MRE11: variants seen among roughly 807,000 people sequenced by gnomAD.
The protein encoded by MRE11 is MRE11 double strand break repair nuclease.
In MRE11, 62 loss-of-function variants were observed where a neutral mutation model predicts 91.7. The ratio of observed to expected loss-of-function variants is 0.68; its 90% CI spans 0.55 to 0.84. The LOEUF is 0.84. MRE11 is among the 40% of genes least tolerant of loss of function. MRE11 has a pLI of 0.00. For synonymous variants in MRE11, 273 were observed against 271.4 expected, an observed-to-expected ratio of 1.01 and a Z score of -0.06; for missense variants, 796 against 852.9, an observed-to-expected ratio of 0.93 and a Z score of 0.83.
In MRE11 at chr11:94,418,312, T is replaced by C. The variant is rs772413170; in HGVS notation, c.*1813A>G. The C allele has an allele frequency of 9.9e-5, 23 of 233,052 alleles. No homozygotes were observed. The highest frequency in any genetic ancestry group is 1.4e-4 in the Non-Finnish European group (16 of 118,014). 14.4% of individuals were successfully genotyped at this position (233,052 alleles called of 1,614,324 possible). A position where few individuals can be genotyped will look rare whatever the true frequency, so the allele number is the denominator to read the frequency against. On this transcript the variant is annotated 3_prime_UTR_variant, in exon 20 of 20. Transcript: ENST00000323929. ...GGAGAGATTTATCACCCTCTGTAAC[T>C]GCTATGTCATCACTTTCCTTAGCGG...
At chr11:94,485,868 A>C in intron 4 of MRE11, 56 bp downstream of exon 4, 1 of 1,536,756 alleles carries the variant, frequency 6.5e-7, no homozygotes, top group Non-Finnish European at 9.0e-7. Context: ...TACGTGTCTT[A>C]TACAGCAAAT....
chr11:94,448,212 C>T (rs991453555), intron 14 of MRE11, among the ~76,000 whole-genome samples: 4 of 152,112 alleles, frequency 2.6e-5, no homozygotes, highest in Non-Finnish European at 4.4e-5. Context: ...TTCTATATTA[C>T]ACTTTTTCTA....
chr11:94,498,621 T>G, upstream of MRE11: 1 of 1,155,658 alleles, frequency 8.7e-7, no homozygotes, highest in Non-Finnish European at 1.2e-6. Flanking sequence ...GTCAAACATC[T>G]TACTACAAAA....
chr11:94,487,425 T>C (rs1190561115), intron 3 of MRE11, among the ~76,000 whole-genome samples: 4 of 152,140 alleles, frequency 2.6e-5, no homozygotes, highest in Admixed American at 2.6e-4. Context: ...TATAGCCAAT[T>C]TGAGGAAGAT....
At chr11:94,441,977 CAAAAAAAAAA>C (rs35673778) in intron 16 of MRE11, among the ~76,000 whole-genome samples, 11 of 48,224 alleles carry the variant, frequency 2.3e-4, no homozygotes, top group Admixed American at 4.7e-4. Context: ...GACTCTGTCT[CAAAAAAAAAA>C]AAAAAAAAAA....
intron 18 of MRE11, among the ~76,000 whole-genome samples, chr11:94,434,615 T>C (rs1336543914): frequency 6.6e-6 from 1 of 152,136 alleles, no homozygotes; most frequent in Non-Finnish European, 1.5e-5. Context: ...ACCACCGTTT[T>C]CCACCCTACT....
chr11:94,435,716 T>C, intron 18 of MRE11, 116 bp downstream of exon 18: 1 of 810,494 alleles, frequency 1.2e-6, no homozygotes, highest in Non-Finnish European at 2.1e-6. Flanking sequence ...CATACTTTAC[T>C]AGTTGAAAAT....
Position 94,447,270 on chromosome 11 carries a change from C to A in MRE11, c.1732G>T (p.Gly578Cys), listed in dbSNP as rs547793891. 1 of 1,613,910 alleles carries A rather than the reference C, an allele frequency of 6.2e-7. No homozygotes were observed. The highest frequency in any genetic ancestry group is 8.5e-7 in the Non-Finnish European group (1 of 1,180,022). Residue 578 changes from glycine to cysteine, a missense_variant, in exon 15 of 20, where the codon GGT becomes TGT. Gly to Cys is a radical substitution (Grantham distance 159, BLOSUM62 -3). Coordinates refer to ENST00000323929, the MANE Select transcript of MRE11 (RefSeq NM_005591.4). ...KGRGRGRGRR[G>C]GRGQNSASRG... The stretch of plus-strand genomic sequence containing the variant: ...GATGCTGAATTCTGCCCTCTTCCAC[C>A]TCTTCGACCTCTTCCTCGGCCTCTT...
intron 2 of MRE11, among the ~76,000 whole-genome samples, chr11:94,492,129 C>A (rs1314757422): frequency 2.0e-5 from 3 of 152,112 alleles, no homozygotes; most frequent in African/African-American, 7.2e-5. Context: ...TAAAGTCTTT[C>A]CCACATAACT....
At chr11:94,455,139 T>C (rs1946215427) in intron 14 of MRE11, among the ~76,000 whole-genome samples, 2 of 152,162 alleles carry the variant, frequency 1.3e-5, no homozygotes, top group African/African-American at 4.8e-5. Flanking sequence ...CGAATTAATA[T>C]TATAATAATC....
At chr11:94,452,614 C>T (rs1037787689) in intron 14 of MRE11, among the ~76,000 whole-genome samples, 2 of 152,150 alleles carry the variant, frequency 1.3e-5, no homozygotes, top group Non-Finnish European at 2.9e-5. Flanking sequence ...AATACTGTAT[C>T]TTCATTTTTA....
chr11:94,422,346 C>T (rs528724271), intron 19 of MRE11, among the ~76,000 whole-genome samples: 1 of 152,250 alleles, frequency 6.6e-6, no homozygotes, highest in South Asian at 2.1e-4. Context: ...TTTTTCCAGA[C>T]ATCCTCCCAG....
chr11:94,469,951 T>G (rs1946663913), intron 9 of MRE11, among the ~76,000 whole-genome samples: 1 of 152,096 alleles, frequency 6.6e-6, no homozygotes, highest in Admixed American at 6.6e-5. Context: ...TGAAATTTTC[T>G]AGAGATTTAG....
At chr11:94,493,282 G>A (rs1056331545) in intron 1 of MRE11, among the ~76,000 whole-genome samples, 2 of 152,166 alleles carry the variant, frequency 1.3e-5, no homozygotes, top group African/African-American at 4.8e-5. Context: ...CTGGAGAACA[G>A]AGGCAATCCT....
At chr11:94,451,905 T>TA in intron 14 of MRE11, among the ~76,000 whole-genome samples, 1 of 152,090 alleles carries the variant, frequency 6.6e-6, no homozygotes, top group Non-Finnish European at 1.5e-5. Flanking sequence ...ACAAATCAAT[T>TA]AGAGAAAGAC....
intron 7 of MRE11, 145 bp from the exon 8 acceptor site, chr11:94,471,904 G>T: frequency 1.4e-6 from 1 of 694,706 alleles, no homozygotes; most frequent in Non-Finnish European, 2.4e-6. Flanking sequence ...GATTGGGAAT[G>T]TAAAGATCAT....
upstream of MRE11, chr11:94,498,059 T>C: frequency 1.3e-6 from 2 of 1,544,716 alleles, no homozygotes; most frequent in Non-Finnish European, 1.7e-6. Context: ...GATTTCTTTT[T>C]TTTCTTCTCA....
Position 94,490,939 on chromosome 11 carries a change from A to C in MRE11, c.47T>G (p.Leu16Ter). 2.0e-6 allele frequency: 3 copies of C among 1,503,268 alleles called. No homozygotes were observed. Among genetic ancestry groups the C allele is most frequent in the Non-Finnish European group, 2.8e-6 (3 of 1,080,438 alleles). 93.1% of individuals were successfully genotyped at this position (1,503,268 alleles called of 1,614,324 possible). Residue 16 changes from leucine to a stop codon, truncating the protein, a stop_gained, in exon 3 of 20, where the codon TTA becomes TGA. Coordinates refer to ENST00000323929, the MANE Select transcript of MRE11 (RefSeq NM_005591.4). LOFTEE classifies it high-confidence loss of function. Reference protein sequence around the residue: ...ALDDENTFKILVATDIHLGFM... With the variant: ...ALDDENTFKI ...TCCAAGATGAATATCTGTTGCAACT[A>C]ATATTTTAAATGTGTTTTCATCATC...
chr11:94,505,200 T>C, the MRE11 span, among the ~76,000 whole-genome samples: 3 of 152,216 alleles, frequency 2.0e-5, no homozygotes, highest in Non-Finnish European at 4.4e-5. Context: ...TATTTTAGGG[T>C]GTTCTTCTAC....
Sources: allele counts gnomAD v4.1 joint callset (sites outside exome capture counted in the v4.1 genomes callset), GRCh38; gene constraint gnomAD v4.1.1; transcripts MANE v1.5; gene names NCBI Gene and HGNC (gene_info 2026-07-23, HGNC 2026-07-21).